The following ERC1 variants were observed in gnomAD, a reference collection of about 807,000 sequenced individuals.
ERC1 encodes ELKS/RAB6-interacting/CAST family member 1.
In ERC1, 56 loss-of-function variants were observed where a neutral mutation model predicts 132.0. The ratio of observed to expected loss-of-function variants is 0.42; its 90% CI spans 0.34 to 0.53. ERC1 has a LOEUF of 0.53. Among genes scored for constraint, ERC1 ranks in the 20% least tolerant of loss-of-function variants. The pLI is 0.03. For synonymous variants in ERC1, 478 were observed against 476.1 expected (o/e 1.00, Z -0.05); for missense variants, 1,202 against 1,349.9 (o/e 0.89, Z 1.72).
intron 14 of ERC1, among the ~76,000 whole-genome samples, chr12:1,269,745 C>T (rs1383456268): frequency 6.6e-6 from 1 of 152,184 alleles, no homozygotes; most frequent in African/African-American, 2.4e-5. Flanking sequence ...GGCACAGGCT[C>T]TCAGCCTCTA....
intron 15 of ERC1, among the ~76,000 whole-genome samples, chr12:1,317,416 G>A (rs2081836395): frequency 6.6e-6 from 1 of 152,142 alleles, no homozygotes; most frequent in African/African-American, 2.4e-5. Context: ...TCAGGGGCTA[G>A]GAAAGGGATA....
At chr12:1,295,506 A>G (rs760028922) in intron 15 of ERC1, among the ~76,000 whole-genome samples, 1 of 152,154 alleles carries the variant, frequency 6.6e-6, no homozygotes, top group African/African-American at 2.4e-5. Context: ...GAATTGTAAT[A>G]TTAGAGATAG....
intron 4 of ERC1, among the ~76,000 whole-genome samples, chr12:1,105,086 A>G (rs1480389982): frequency 1.3e-5 from 2 of 152,154 alleles, no homozygotes; most frequent in African/African-American, 4.8e-5. Flanking sequence ...TGGTCTCAGG[A>G]CCCCTTTATT....
intron 16 of ERC1, among the ~76,000 whole-genome samples, chr12:1,406,591 A>T (rs2091508622): frequency 6.6e-6 from 1 of 152,204 alleles, no homozygotes; most frequent in African/African-American, 2.4e-5. Flanking sequence ...TGATAGAGGA[A>T]TTATAGATGA....
chr12:1,361,949 CT>C (rs2086165452), intron 15 of ERC1, among the ~76,000 whole-genome samples: 1 of 152,170 alleles, frequency 6.6e-6, no homozygotes, highest in Non-Finnish European at 1.5e-5. Context: ...GATTCCAATG[CT>C]TCTTAAAGTC....
Position 1,342,847 on chromosome 12 carries a change from C to G in ERC1, c.2781-28986C>G, listed in dbSNP as rs370453432. ...TATGCCATGCCACTAATTTAAATTG[C>G]TATTCTATAGCAAGGAAGTGATGTG... On this transcript the variant is annotated intron_variant, in intron 15 of 18. Coordinates refer to ENST00000360905, the MANE Select transcript of ERC1 (RefSeq NM_178040.4). 2.6e-5 allele frequency among the ~76,000 whole-genome samples: 4 copies of G among 152,230 alleles called. No individual in the cohort carries two copies. In the East Asian group the frequency reaches 5.8e-4, roughly 22 times the overall value.
intron 8 of ERC1, among the ~76,000 whole-genome samples, chr12:1,178,510 T>C (rs188014302): frequency 6.6e-6 from 1 of 152,276 alleles, no homozygotes; most frequent in East Asian, 1.9e-4. Flanking sequence ...AATGGAGATA[T>C]GTGATCAATA....
intron 12 of ERC1, among the ~76,000 whole-genome samples, chr12:1,199,434 A>G (rs1487468649): frequency 2.0e-5 from 3 of 152,122 alleles, no homozygotes; most frequent in Admixed American, 6.5e-5. Context: ...ATTGTTTTTA[A>G]GGGAGTTATA....
intron 16 of ERC1, among the ~76,000 whole-genome samples, chr12:1,388,255 C>T (rs550718082): frequency 6.8e-5 from 10 of 146,982 alleles, no homozygotes; most frequent in African/African-American, 2.3e-4. Context: ...GAGGCTGAGG[C>T]AGGAGAATGG....
chr12:1,415,135 C>A (rs184740577), intron 17 of ERC1, among the ~76,000 whole-genome samples: 314 of 152,302 alleles, frequency 2.1e-3, no homozygotes, highest in African/African-American at 7.2e-3. Context: ...AAATCTTTTT[C>A]ATTTACCAAC....
At chr12:1,254,617 A>C (rs1265204090) in intron 13 of ERC1, among the ~76,000 whole-genome samples, 1 of 151,928 alleles carries the variant, frequency 6.6e-6, no homozygotes, top group African/African-American at 2.4e-5. Flanking sequence ...GGTTCAGGCA[A>C]TTCTCCCTGC....
At chr12:1,300,227 T>C (rs1244624952) in intron 15 of ERC1, among the ~76,000 whole-genome samples, 3 of 152,166 alleles carry the variant, frequency 2.0e-5, no homozygotes, top group Admixed American at 2.0e-4. Context: ...AAGGATTCCT[T>C]ATTCAATAAA....
At chr12:1,308,591 A>G (rs1218187394) in intron 15 of ERC1, among the ~76,000 whole-genome samples, 1 of 152,236 alleles carries the variant, frequency 6.6e-6, no homozygotes, top group East Asian at 1.9e-4. Flanking sequence ...AGTTCCTAAC[A>G]GTTTGTTGTG....
chr12:1,400,906 CTATTTTTGTATTTTTTTTTTTTT>C (rs1195672618), intron 16 of ERC1, among the ~76,000 whole-genome samples: 5 of 52,896 alleles, frequency 9.5e-5, no homozygotes, highest in Non-Finnish European at 1.2e-4. Context: ...ATTGTTTTGG[CTATTTTTGTATTTTTTTTTTTTT>C]TTTTTTTTTT....
intron 18 of ERC1, chr12:1,480,920 C>T: frequency 1.4e-6 from 1 of 702,546 alleles, no homozygotes; most frequent in Non-Finnish European, 2.6e-6. Flanking sequence ...CAGACGCCCC[C>T]AGACGTCCCC....
intron 2 of ERC1, among the ~76,000 whole-genome samples, chr12:1,078,809 G>C (rs558682912): frequency 6.6e-6 from 1 of 152,108 alleles, no homozygotes; most frequent in Admixed American, 6.5e-5. Flanking sequence ...GAAATGATTT[G>C]TAATATGACA....
In ERC1 at chr12:1,371,853, C is replaced by G; in HGVS notation, c.2801C>G (p.Ala934Gly). Reference sequence around the variant, plus strand: ...TGCAGGCAAGAAGCTCTTCTGGCTGCCATTAGTGAAAAAGACGCCAATATA... The same window carrying G: ...TGCAGGCAAGAAGCTCTTCTGGCTGGCATTAGTGAAAAAGACGCCAATATA... ...LEMKQEALLA[A>G]ISEKDANIAL... Residue 934 changes from alanine (A) to glycine (G), a missense_variant, in exon 16 of 19, where the codon GCC (alanine) becomes GGC (glycine). By Grantham distance (60) the Ala-to-Gly change is moderately conservative. Transcript: ENST00000360905. 6.2e-7 allele frequency: 1 copy of G among 1,613,794 alleles called. No individual in the cohort carries two copies. The highest frequency in any genetic ancestry group is 1.7e-5 in the Admixed American group (1 of 59,988).
At chr12:1,476,404 G>A (rs1257291713) in intron 18 of ERC1, among the ~76,000 whole-genome samples, 1 of 151,944 alleles carries the variant, frequency 6.6e-6, no homozygotes, top group East Asian at 1.9e-4. Flanking sequence ...CTGGGCAACA[G>A]AGCAAGACTC....
intron 12 of ERC1, among the ~76,000 whole-genome samples, chr12:1,219,148 C>A (rs1312933880): frequency 2.6e-5 from 4 of 152,172 alleles, no homozygotes; most frequent in Non-Finnish European, 5.9e-5. Context: ...GCTGGAATTA[C>A]AGGCATGAGC....
Sources: allele counts gnomAD v4.1 joint callset (sites outside exome capture counted in the v4.1 genomes callset), GRCh38; gene constraint gnomAD v4.1.1; transcripts MANE v1.5; gene names NCBI Gene and HGNC (gene_info 2026-07-23, HGNC 2026-07-21).